FBXO11: variants seen among roughly 807,000 people sequenced by gnomAD.
FBXO11 encodes F-box only protein 11.
Under a neutral mutation model 117.0 loss-of-function variants are expected in FBXO11, and 13 were observed. That is an observed-to-expected ratio of 0.11 (90% CI 0.07 to 0.18). The LOEUF is 0.18. FBXO11 is among the 10% of genes least tolerant of loss of function. FBXO11 has a pLI of 1.00. For missense variants in FBXO11, 767 were observed against 1,164.4 expected (o/e 0.66, Z 4.97); for synonymous variants, 490 against 380.5 (o/e 1.29, Z -3.35).
rs530067279 is a variant in FBXO11, at chr2:47,866,869, A to G, written c.233-27100T>C. 8.5e-4 allele frequency among the ~76,000 whole-genome samples: 130 copies of G among 152,358 alleles called. 1 individual carries two copies. Among genetic ancestry groups the G allele is most frequent in the African/African-American group, 3.0e-3 (123 of 41,600 alleles). Reference sequence around the variant, plus strand: ...ACTTTGATAACAGCCAGGATTCTCCATGATGAGCCTTGATCATCTTCAGAC... The same window carrying G: ...ACTTTGATAACAGCCAGGATTCTCCGTGATGAGCCTTGATCATCTTCAGAC... On this transcript the variant is annotated intron_variant, in intron 1 of 22. Coordinates refer to ENST00000403359, the MANE Select transcript of FBXO11 (RefSeq NM_001190274.2).
intron 1 of FBXO11, among the ~76,000 whole-genome samples, chr2:47,853,207 G>A (rs1433232947): frequency 6.6e-6 from 1 of 151,806 alleles, no homozygotes; most frequent in Non-Finnish European, 1.5e-5. Flanking sequence ...TAGTAGCTGG[G>A]ATTACAGGCA....
intron 14 of FBXO11, 68 bp downstream of exon 14, chr2:47,820,294 G>C: frequency 3.2e-6 from 4 of 1,240,730 alleles, no homozygotes; most frequent in Admixed American, 1.9e-5. Flanking sequence ...CTAAAAGCTT[G>C]AGGAGAAACC....
intron 1 of FBXO11, among the ~76,000 whole-genome samples, chr2:47,856,471 G>C (rs1674301797): frequency 1.3e-5 from 2 of 152,180 alleles, no homozygotes; most frequent in Non-Finnish European, 2.9e-5. Flanking sequence ...TACATTGGAA[G>C]AGGGCTCTGG....
intron 1 of FBXO11, among the ~76,000 whole-genome samples, chr2:47,900,016 G>C (rs1161256763): frequency 6.6e-6 from 1 of 152,048 alleles, no homozygotes; most frequent in Non-Finnish European, 1.5e-5. Flanking sequence ...AACTACTTGT[G>C]GTTCCTGCCT....
Position 47,807,603 on chromosome 2 carries a change from A to AAATT in FBXO11, c.*511_*514dup, listed in dbSNP as rs1383504857. ...TTCAAGTACAGTAAGATTTTGCTTG[A>AAATT]AATTAAAAACAAACTACATGAGATT... On this transcript the variant is annotated 3_prime_UTR_variant, in exon 23 of 23. Coordinates refer to ENST00000403359, the MANE Select transcript of FBXO11 (RefSeq NM_001190274.2). 41 of 219,032 alleles carry AAATT rather than the reference A, an allele frequency of 1.9e-4. No homozygotes were observed. Among genetic ancestry groups the AAATT allele is most frequent in the African/African-American group, 9.0e-4 (40 of 44,624 alleles). 13.6% of individuals were successfully genotyped at this position (219,032 alleles called of 1,614,324 possible).
chr2:47,903,086 T>C (rs2104106940), intron 1 of FBXO11, among the ~76,000 whole-genome samples: 1 of 152,326 alleles, frequency 6.6e-6, no homozygotes, highest in East Asian at 1.9e-4. Flanking sequence ...AAATAGAGTA[T>C]TCTTAGTTAA....
intron 19 of FBXO11, 184 bp downstream of exon 19, chr2:47,810,132 T>G: frequency 1.9e-6 from 1 of 533,646 alleles, no homozygotes. Flanking sequence ...TTCTTAGGAG[T>G]CTGGCTTAGA....
Position 47,839,811 on chromosome 2 carries a change from A to T in FBXO11, c.233-42T>A, listed in dbSNP as rs544814945. On this transcript the variant is annotated intron_variant, in intron 1 of 22. Coordinates refer to ENST00000403359, the MANE Select transcript of FBXO11 (RefSeq NM_001190274.2). ...CAATAAGAAAAATTATACCCTTTTTAAAAAAAGTTCTATGGATACAGAAAA... is the reference window on the plus strand; with the variant it reads ...CAATAAGAAAAATTATACCCTTTTTTAAAAAAGTTCTATGGATACAGAAAA... 915 of 1,567,470 alleles carry T rather than the reference A, an allele frequency of 5.8e-4. 15 individuals are homozygous for T. The South Asian group carries it at 8.3e-3, about 14-fold the overall frequency.
intron 4 of FBXO11, among the ~76,000 whole-genome samples, chr2:47,837,516 A>T (rs984477348): frequency 6.6e-6 from 1 of 152,198 alleles, no homozygotes; most frequent in Non-Finnish European, 1.5e-5. Context: ...AACAAGAACG[A>T]AACTCCGTCA....
intron 1 of FBXO11, among the ~76,000 whole-genome samples, chr2:47,852,157 T>G (rs370386079): frequency 6.6e-6 from 1 of 152,128 alleles, no homozygotes. Flanking sequence ...ACCCGGCTAA[T>G]TTTTGTATTT....
chr2:47,870,499 G>A (rs954309350), intron 1 of FBXO11, among the ~76,000 whole-genome samples: 5 of 152,310 alleles, frequency 3.3e-5, no homozygotes, highest in African/African-American at 1.2e-4. Context: ...AAGTGCCAAT[G>A]TGAAGACAAA....
At chr2:47,892,212 C>A (rs1232498849) in intron 1 of FBXO11, among the ~76,000 whole-genome samples, 1 of 152,114 alleles carries the variant, frequency 6.6e-6, no homozygotes, top group Non-Finnish European at 1.5e-5. Flanking sequence ...CAAAGCCTCC[C>A]TCCCTGTAGA....
At chr2:47,824,422 G>A (rs1671601887) in intron 11 of FBXO11, among the ~76,000 whole-genome samples, 1 of 152,092 alleles carries the variant, frequency 6.6e-6, no homozygotes, top group African/African-American at 2.4e-5. Context: ...AGCCTGGGAG[G>A]TTGAGGTTGC....
At chr2:47,839,084 A>T in intron 3 of FBXO11, 81 bp from the exon 4 acceptor site, 3 of 1,426,748 alleles carry the variant, frequency 2.1e-6, no homozygotes, top group Non-Finnish European at 2.8e-6. Flanking sequence ...CATTTTATCT[A>T]ATGAATAGCT....
At chr2:47,818,639 G>C (rs2104701019) in intron 16 of FBXO11, 140 bp downstream of exon 16, 5 of 646,854 alleles carry the variant, frequency 7.7e-6, no homozygotes, top group East Asian at 2.7e-5. Context: ...GACAATTTAA[G>C]TCAAGATTAT....
chr2:47,858,941 A>T (rs1482841945), intron 1 of FBXO11, among the ~76,000 whole-genome samples: 1 of 150,076 alleles, frequency 6.7e-6, no homozygotes, highest in African/African-American at 2.4e-5. Context: ...CAGGAGGCTG[A>T]GGCAGGAGAA....
At chr2:47,841,890 C>G (rs977623990) in intron 1 of FBXO11, among the ~76,000 whole-genome samples, 2 of 151,912 alleles carry the variant, frequency 1.3e-5, no homozygotes, top group African/African-American at 4.8e-5. Context: ...CCCCCCACCT[C>G]GGCCTCCCAA....
Position 47,905,476 on chromosome 2 carries a change from A to G in FBXO11, c.232+13T>C. The G allele has an allele frequency of 1.6e-6, 2 of 1,223,746 alleles. No homozygotes were observed. Among genetic ancestry groups the G allele is most frequent in the Non-Finnish European group, 2.0e-6 (2 of 982,882 alleles). The allele number at this position is 1,223,746 out of a possible 1,614,324, so 75.8% of individuals were successfully genotyped here. On this transcript the variant is annotated intron_variant, in intron 1 of 22. Coordinates refer to ENST00000403359, the MANE Select transcript of FBXO11 (RefSeq NM_001190274.2). ...CCGGGAAGGCGGGCGGTTGGGAGGTAGCGCGGCCTTACCCCGCTCGCCGAC... is the reference window on the plus strand; with the variant it reads ...CCGGGAAGGCGGGCGGTTGGGAGGTGGCGCGGCCTTACCCCGCTCGCCGAC...
intron 1 of FBXO11, among the ~76,000 whole-genome samples, chr2:47,846,566 C>G: frequency 6.6e-6 from 1 of 151,380 alleles, no homozygotes; most frequent in East Asian, 1.9e-4. Flanking sequence ...AAAAATAACC[C>G]TCTACCAAAA....
Sources: allele counts gnomAD v4.1 joint callset (sites outside exome capture counted in the v4.1 genomes callset), GRCh38; gene constraint gnomAD v4.1.1; transcripts MANE v1.5; gene names NCBI Gene and HGNC (gene_info 2026-07-23, HGNC 2026-07-21).